SLC2A13: variants seen among roughly 807,000 people sequenced by gnomAD.
SLC2A13 encodes the protein proton myo-inositol cotransporter.
In SLC2A13, 32 loss-of-function variants were observed where a neutral mutation model predicts 64.4. The ratio of observed to expected loss-of-function variants is 0.50; its 90% CI spans 0.37 to 0.67. SLC2A13 has a LOEUF of 0.67. Among genes scored for constraint, SLC2A13 ranks in the 30% least tolerant of loss-of-function variants. The probability of loss-of-function intolerance (pLI) is 0.00; values close to 1 mark genes in which losing one functional copy is unlikely to be tolerated. For missense variants in SLC2A13, 743 were observed against 829.2 expected, an observed-to-expected ratio of 0.90 and a Z score of 1.28; for synonymous variants, 338 against 327.1, an observed-to-expected ratio of 1.03 and a Z score of -0.36.
At chr12:39,838,433 T>C (rs796130606) in intron 6 of SLC2A13, among the ~76,000 whole-genome samples, 55 of 148,010 alleles carry the variant, frequency 3.7e-4, no homozygotes, top group African/African-American at 1.3e-3. Context: ...ATGGCACATG[T>C]ATACATATGT....
At chr12:39,915,982 C>T (rs1242877483) in intron 4 of SLC2A13, among the ~76,000 whole-genome samples, 2 of 151,782 alleles carry the variant, frequency 1.3e-5, no homozygotes, top group Admixed American at 6.6e-5. Context: ...CCTCCAAATG[C>T]CTTTTACTCC....
At chr12:40,046,604 C>T (rs1290028117) in intron 2 of SLC2A13, among the ~76,000 whole-genome samples, 2 of 151,642 alleles carry the variant, frequency 1.3e-5, no homozygotes, top group South Asian at 2.1e-4. Context: ...AAACAGTTAT[C>T]GTCTTTCCTC....
chr12:39,941,709 C>T (rs117485683), intron 4 of SLC2A13, among the ~76,000 whole-genome samples: 1,570 of 152,062 alleles, frequency 0.01, 15 homozygotes, highest in Middle Eastern at 0.034. Context: ...TTCTCCCACT[C>T]TGTGGGAGGT....
Position 40,028,260 on chromosome 12 carries a change from T to G in SLC2A13, c.925+41A>C, listed in dbSNP as rs776963929. 2.7e-6 allele frequency: 4 copies of G among 1,475,204 alleles called. No individual in the cohort carries two copies. In the East Asian group the frequency reaches 9.1e-5, roughly 34 times the overall value. 91.4% of individuals were successfully genotyped at this position (1,475,204 alleles called of 1,614,324 possible). ...ACAAAATAATGACAAATAAGACCAC[T>G]GTATAGTTTTTAAATTCATATAAGT... On this transcript the variant is annotated intron_variant, in intron 3 of 9. Coordinates refer to ENST00000280871, the MANE Select transcript of SLC2A13 (RefSeq NM_052885.4).
At chr12:39,896,009 T>C (rs1944815745) in intron 4 of SLC2A13, among the ~76,000 whole-genome samples, 1 of 147,132 alleles carries the variant, frequency 6.8e-6, no homozygotes, top group African/African-American at 2.5e-5. Flanking sequence ...TATATATACA[T>C]GTGTATATGT....
chr12:39,942,092 T>C (rs933073449), intron 4 of SLC2A13, among the ~76,000 whole-genome samples: 1 of 152,248 alleles, frequency 6.6e-6, no homozygotes, highest in Non-Finnish European at 1.5e-5. Flanking sequence ...ACCAGTACCA[T>C]GCTGTTTTGG....
At position 39,909,977 on chromosome 12, in the gene SLC2A13, T is replaced by C. The variant is rs1402152887; in HGVS notation, c.1035-38016A>G. 4.0e-5 allele frequency among the ~76,000 whole-genome samples: 6 copies of C among 151,816 alleles called. No homozygotes were observed. In the South Asian group the frequency reaches 8.3e-4, roughly 21 times the overall value. ...CGTGTTCCCAGGTGAAAGTAATAAA[T>C]AAATCATAGATATCTTTTTTAAAAA... is the stretch of plus-strand genomic sequence containing the variant. On this transcript the variant is annotated intron_variant, in intron 4 of 9. Transcript: ENST00000280871.
intron 3 of SLC2A13, among the ~76,000 whole-genome samples, chr12:39,957,816 T>C (rs906675559): frequency 6.6e-6 from 1 of 152,106 alleles, no homozygotes; most frequent in African/African-American, 2.4e-5. Flanking sequence ...TTCCTTATCA[T>C]ACCTGAAGCG....
chr12:40,039,907 G>A (rs1448630412), intron 2 of SLC2A13, among the ~76,000 whole-genome samples: 1 of 152,164 alleles, frequency 6.6e-6, no homozygotes, highest in Non-Finnish European at 1.5e-5. Flanking sequence ...GCATGTATCT[G>A]CCATTAAAGT....
chr12:39,896,398 A>G (rs1444545452), intron 4 of SLC2A13, among the ~76,000 whole-genome samples: 1 of 135,270 alleles, frequency 7.4e-6, no homozygotes, highest in Non-Finnish European at 1.6e-5. Flanking sequence ...ATGTGTATAT[A>G]TGTATACATA....
intron 6 of SLC2A13, chr12:39,830,573 T>C: frequency 1.3e-6 from 1 of 789,404 alleles, no homozygotes; most frequent in Non-Finnish European, 1.6e-6. Context: ...GACTGCCTCA[T>C]TGTGATCCAG....
chr12:40,078,930 G>A lies in SLC2A13; in HGVS notation c.556+26323C>T, dbSNP rs79395422. Among the ~76,000 whole-genome samples, 1,112 of 152,092 alleles carry A rather than the reference G, an allele frequency of 7.3e-3. 11 individuals are homozygous for A. Among genetic ancestry groups the A allele is most frequent in the African/African-American group, 0.025 (1,039 of 41,500 alleles). On this transcript the variant is annotated intron_variant, in intron 1 of 9. Transcript: ENST00000280871. Reference sequence around the variant, plus strand: ...CTAGTTGGTGTGCATAGAGGTATTCGTAATAGTTTCTGAGGGTTCTGTTTT... The same window carrying A: ...CTAGTTGGTGTGCATAGAGGTATTCATAATAGTTTCTGAGGGTTCTGTTTT...
intron 3 of SLC2A13, among the ~76,000 whole-genome samples, chr12:39,985,688 A>G (rs1039679796): frequency 6.6e-6 from 1 of 152,134 alleles, no homozygotes; most frequent in Non-Finnish European, 1.5e-5. Flanking sequence ...TACAAAATCC[A>G]GCAGTGGTCA....
At chr12:39,793,849 C>A (rs1219747105) in intron 7 of SLC2A13, among the ~76,000 whole-genome samples, 2 of 152,054 alleles carry the variant, frequency 1.3e-5, no homozygotes, top group Non-Finnish European at 2.9e-5. Context: ...AGAACATTAT[C>A]TTGAACAGAA....
chr12:39,912,808 C>G (rs931369486), intron 4 of SLC2A13, among the ~76,000 whole-genome samples: 1 of 152,004 alleles, frequency 6.6e-6, no homozygotes, highest in African/African-American at 2.4e-5. Flanking sequence ...CTTGTGTAAA[C>G]GTTAGTAGGC....
At chr12:40,029,932 TTTGTATC>T (rs1565596995) in intron 2 of SLC2A13, among the ~76,000 whole-genome samples, 1 of 152,230 alleles carries the variant, frequency 6.6e-6, no homozygotes, top group Non-Finnish European at 1.5e-5. Context: ...AATTTATGTC[TTTGTATC>T]TTGTATTATA....
intron 1 of SLC2A13, among the ~76,000 whole-genome samples, chr12:40,065,723 T>A (rs1310487534): frequency 6.6e-6 from 1 of 152,244 alleles, no homozygotes; most frequent in Non-Finnish European, 1.5e-5. Context: ...ACAAATATTC[T>A]ATTGTGATAC....
intron 3 of SLC2A13, among the ~76,000 whole-genome samples, chr12:39,964,565 T>C (rs1946472842): frequency 1.3e-5 from 2 of 152,234 alleles, no homozygotes; most frequent in Non-Finnish European, 2.9e-5. Flanking sequence ...TGTTTAGCTA[T>C]GCTAGGACAC....
rs527578643 is a variant in SLC2A13, at chr12:39,901,176, A to G, written c.1035-29215T>C. ...ACTGGATCCCTTCCTTACACCTTAT[A>G]CAAAGAAATTAATTCAAGATGGATT... On this transcript the variant is annotated intron_variant, in intron 4 of 9. Coordinates refer to ENST00000280871, the MANE Select transcript of SLC2A13 (RefSeq NM_052885.4). Among the ~76,000 whole-genome samples, 5 of 152,334 alleles carry G rather than the reference A, an allele frequency of 3.3e-5. No homozygotes were observed. In the South Asian group the frequency reaches 8.3e-4, roughly 25 times the overall value.
Sources: gnomAD v4.1 joint callset for allele counts (sites outside exome capture counted in the v4.1 genomes callset) on GRCh38, gnomAD v4.1.1 for gene constraint, MANE v1.5 for transcripts, NCBI Gene and HGNC (gene_info 2026-07-23, HGNC 2026-07-21) for gene names.